The following NTRK3 variants were observed in gnomAD, a reference collection of about 807,000 sequenced individuals.
The protein encoded by NTRK3 is neurotrophic receptor tyrosine kinase 3.
Under a neutral mutation model 91.7 loss-of-function variants are expected in NTRK3, and 24 were observed. The observed-to-expected ratio is 0.26, with a 90% CI of 0.19 to 0.37. NTRK3 has a LOEUF of 0.37. Ranked by LOEUF, NTRK3 falls within the 10% of genes least tolerant of loss-of-function variation. The pLI, the probability that NTRK3 is intolerant of heterozygous loss-of-function variation, is 1.00. For missense variants in NTRK3, 880 were observed against 1,068.9 expected (o/e 0.82, Z 2.46); for synonymous variants, 483 against 404.0 (o/e 1.20, Z -2.34).
chr15:87,956,886 T>C (rs971675682), intron 14 of NTRK3, among the ~76,000 whole-genome samples: 1 of 152,048 alleles, frequency 6.6e-6, no homozygotes, highest in African/African-American at 2.4e-5. Flanking sequence ...AGGGCAGGGG[T>C]GGGGTAGTCA....
intron 17 of NTRK3, among the ~76,000 whole-genome samples, chr15:87,903,168 A>C (rs762811085): frequency 6.6e-6 from 1 of 152,384 alleles, no homozygotes; most frequent in South Asian, 2.1e-4. Context: ...GCTAAGGCTC[A>C]AGAGAGGTGG....
chr15:88,000,645 A>T (rs1192949565), intron 14 of NTRK3, among the ~76,000 whole-genome samples: 1 of 152,324 alleles, frequency 6.6e-6, no homozygotes, highest in South Asian at 2.1e-4. Flanking sequence ...CTTTCACTTG[A>T]CATACTGTTT....
intron 13 of NTRK3, among the ~76,000 whole-genome samples, chr15:88,120,497 G>A (rs552149477): frequency 5.9e-5 from 9 of 152,184 alleles, no homozygotes; most frequent in African/African-American, 1.4e-4. Flanking sequence ...AGGCATTGCC[G>A]GAAGCCCAAG....
At position 88,044,225 on chromosome 15, in the gene NTRK3, T is replaced by G. The variant is rs2079923664; in HGVS notation, c.1397-11180A>C. On this transcript the variant is annotated intron_variant, in intron 13 of 18. Coordinates refer to ENST00000394480, the Ensembl canonical transcript of NTRK3. ...ACACAGCTAGTAGGTAGCAGTGTCC[T>G]GGAGCTGTGGGATTCCCAAGTCTAT... Among the ~76,000 whole-genome samples, 2 of 149,664 alleles carry G rather than the reference T, an allele frequency of 1.3e-5. 1 individual carries two copies. Among genetic ancestry groups the G allele is most frequent in the South Asian group, 4.3e-4 (2 of 4,672 alleles).
At chr15:88,095,017 C>A (rs2049438663) in intron 13 of NTRK3, among the ~76,000 whole-genome samples, 1 of 152,192 alleles carries the variant, frequency 6.6e-6, no homozygotes, top group South Asian at 2.1e-4. Context: ...ATACCCATTA[C>A]CTGGGAGCTG....
intron 13 of NTRK3, among the ~76,000 whole-genome samples, chr15:88,121,807 A>T (rs2052736298): frequency 6.6e-6 from 1 of 152,136 alleles, no homozygotes; most frequent in Non-Finnish European, 1.5e-5. Context: ...CACCCCTGCC[A>T]CTCTGAAGCA....
exon 19 of NTRK3, chr15:87,864,102 A>G (rs2141379902): frequency 4.3e-6 from 1 of 232,956 alleles, no homozygotes; most frequent in Non-Finnish European, 8.5e-6. Flanking sequence ...AGAGAGAAGA[A>G]CACTGCTATT....
Position 88,109,854 on chromosome 15 carries a change from A to C in NTRK3, c.1396+16417T>G, listed in dbSNP as rs542516475. Among the ~76,000 whole-genome samples the C allele has an allele frequency of 2.6e-5, 4 of 152,356 alleles. No homozygotes were observed. In the South Asian group the frequency reaches 8.3e-4, roughly 32 times the overall value. The stretch of plus-strand genomic sequence containing the variant: ...GAACCACAGCCATAATGGGACCTGC[A>C]GATTACTCACAGCTTTTCTGAGTGC... On this transcript the variant is annotated intron_variant, in intron 13 of 18. Coordinates refer to ENST00000394480, the Ensembl canonical transcript of NTRK3.
intron 5 of NTRK3, among the ~76,000 whole-genome samples, chr15:88,166,346 C>T (rs372490531): frequency 1.3e-5 from 2 of 152,214 alleles, no homozygotes; most frequent in African/African-American, 2.4e-5. Flanking sequence ...GCAAACAGAG[C>T]GCAGGCCACC....
At chr15:88,245,945 A>G (rs1270665614) in intron 3 of NTRK3, among the ~76,000 whole-genome samples, 1 of 152,158 alleles carries the variant, frequency 6.6e-6, no homozygotes, top group Non-Finnish European at 1.5e-5. Flanking sequence ...TCTTCAGTGG[A>G]CCAGATTTGA....
intron 17 of NTRK3, among the ~76,000 whole-genome samples, chr15:87,920,922 C>T (rs1218335794): frequency 6.6e-6 from 1 of 152,134 alleles, no homozygotes; most frequent in Non-Finnish European, 1.5e-5. Flanking sequence ...GTAAAATGTG[C>T]ATTAGTGGAA....
intron 14 of NTRK3, among the ~76,000 whole-genome samples, chr15:87,974,137 G>A (rs562973891): frequency 1.3e-5 from 2 of 152,188 alleles, no homozygotes; most frequent in Non-Finnish European, 2.9e-5. Context: ...GAACTGGGAC[G>A]AGCCAGGGGA....
chr15:88,057,533 G>A (rs1321135733), intron 13 of NTRK3, among the ~76,000 whole-genome samples: 1 of 152,074 alleles, frequency 6.6e-6, no homozygotes, highest in African/African-American at 2.4e-5. Context: ...TGTGTCCTGA[G>A]CAAGGGCTGT....
At chr15:88,084,736 A>C (rs2048348597) in intron 13 of NTRK3, among the ~76,000 whole-genome samples, 1 of 152,172 alleles carries the variant, frequency 6.6e-6, no homozygotes, top group African/African-American at 2.4e-5. Flanking sequence ...AAGGTTACCA[A>C]GGGGACAGTA....
chr15:88,167,714 A>C (rs936636621), intron 5 of NTRK3, among the ~76,000 whole-genome samples: 1 of 151,758 alleles, frequency 6.6e-6, no homozygotes, highest in African/African-American at 2.4e-5. Flanking sequence ...GACCACCCCG[A>C]CTCCATGTCC....
chr15:87,931,180 G>C (rs751819925), intron 16 of NTRK3: 1 of 516,502 alleles, frequency 1.9e-6, no homozygotes, highest in Non-Finnish European at 3.9e-6. Flanking sequence ...CAGTAGTGCA[G>C]AGGCACCTAG....
intron 5 of NTRK3, among the ~76,000 whole-genome samples, chr15:88,162,179 G>A (rs751102693): frequency 6.6e-6 from 1 of 152,188 alleles, no homozygotes; most frequent in Non-Finnish European, 1.5e-5. Context: ...GCTTCCAGAA[G>A]GTTCTGTTCT....
chr15:88,122,740 T>C (rs1181931861), intron 13 of NTRK3, among the ~76,000 whole-genome samples: 2 of 152,138 alleles, frequency 1.3e-5, no homozygotes, highest in African/African-American at 4.8e-5. Context: ...GAATTGTTTA[T>C]GAGTTTTCCC....
At chr15:88,098,546 C>T (rs1389348320) in intron 13 of NTRK3, 1 of 227,004 alleles carries the variant, frequency 4.4e-6, no homozygotes, top group Non-Finnish European at 8.8e-6. Context: ...CGGTAAACAA[C>T]AGAACTTATG....
Sources: allele counts gnomAD v4.1 joint callset (sites outside exome capture counted in the v4.1 genomes callset), GRCh38; gene constraint gnomAD v4.1.1; transcripts MANE v1.5; gene names NCBI Gene and HGNC (gene_info 2026-07-23, HGNC 2026-07-21).